RNF24: variants seen among roughly 807,000 people sequenced by gnomAD.
RNF24 encodes the protein ring finger protein 24.
RNF24 carries 14 observed loss-of-function variants against 20.0 expected under a neutral mutation model. That is an observed-to-expected ratio of 0.70 (90% confidence interval 0.46 to 1.10). The LOEUF (loss-of-function observed/expected upper bound fraction) is 1.10. Ranked by LOEUF, RNF24 falls within the 50% of genes least tolerant of loss-of-function variation. The probability of loss-of-function intolerance (pLI) is 0.00; values close to 1 mark genes in which losing one functional copy is unlikely to be tolerated. For missense variants in RNF24, 124 were observed against 177.6 expected, an observed-to-expected ratio of 0.70 and a Z score of 1.71; for synonymous variants, 45 against 61.1, an observed-to-expected ratio of 0.74 and a Z score of 1.23.
intron 2 of RNF24, among the ~76,000 whole-genome samples, chr20:3,954,758 G>C (rs1438609860): frequency 2.0e-5 from 3 of 152,044 alleles, no homozygotes; most frequent in African/African-American, 4.8e-5. Context: ...AATTAGCTGG[G>C]TGTGGTGGCA....
At chr20:3,946,875 C>T (rs1050342810) in intron 3 of RNF24, among the ~76,000 whole-genome samples, 1 of 152,032 alleles carries the variant, frequency 6.6e-6, no homozygotes, top group African/African-American at 2.4e-5. Context: ...TTCAAACATA[C>T]ATGGACGAAA....
At chr20:3,987,323 C>T (rs75405945) in intron 1 of RNF24, among the ~76,000 whole-genome samples, 6,310 of 152,194 alleles carry the variant, frequency 0.041, 459 homozygotes, top group African/African-American at 0.14. Flanking sequence ...ATGAGCGGTT[C>T]CCATCTCAAC....
At chr20:3,952,612 C>T (rs2091094264) in intron 2 of RNF24, among the ~76,000 whole-genome samples, 2 of 144,134 alleles carry the variant, frequency 1.4e-5, no homozygotes, top group East Asian at 2.0e-4. Flanking sequence ...ACTAGCTAGG[C>T]CCTCCAGTAT....
At chr20:3,953,252 C>T (rs890573293) in intron 2 of RNF24, among the ~76,000 whole-genome samples, 57 of 151,690 alleles carry the variant, frequency 3.8e-4, no homozygotes, top group Non-Finnish European at 5.7e-4. Context: ...CCTGGGTTCA[C>T]GCCATTCTCC....
At chr20:3,935,717 G>A (rs565191958) in intron 4 of RNF24, among the ~76,000 whole-genome samples, 5 of 152,342 alleles carry the variant, frequency 3.3e-5, no homozygotes, top group East Asian at 1.9e-4. Context: ...CTTTGCCATC[G>A]TACCCAGGGG....
intron 2 of RNF24, among the ~76,000 whole-genome samples, chr20:3,957,841 G>C (rs1600654601): frequency 6.6e-6 from 1 of 152,154 alleles, no homozygotes; most frequent in African/African-American, 2.4e-5. Context: ...TAACAATGCT[G>C]AACAGTGCTA....
At position 3,961,841 on chromosome 20, in the gene RNF24, T is replaced by C. The variant is rs151074928; in HGVS notation, c.143+2034A>G. On this transcript the variant is annotated intron_variant, in intron 2 of 5. Coordinates refer to ENST00000358395, the MANE Select transcript of RNF24 (RefSeq NM_001134337.3). ...ACTAGTAAGTCTGAAAAAAAAACCA[T>C]ATTTTTATATTCTGAGGTCCTATAT... is the stretch of plus-strand genomic sequence containing the variant. Among the ~76,000 whole-genome samples, 223 of 152,238 alleles carry C rather than the reference T, an allele frequency of 1.5e-3. 1 individual carries two copies. The highest frequency in any genetic ancestry group is 5.2e-3 in the African/African-American group (216 of 41,558).
intron 4 of RNF24, among the ~76,000 whole-genome samples, chr20:3,944,623 T>C (rs2090995813): frequency 6.6e-6 from 1 of 152,222 alleles, no homozygotes; most frequent in African/African-American, 2.4e-5. Context: ...TTATAGGCTA[T>C]GTATCTTAAT....
intron 1 of RNF24, among the ~76,000 whole-genome samples, chr20:3,972,734 C>G (rs1978465531): frequency 6.6e-6 from 1 of 151,922 alleles, no homozygotes; most frequent in Non-Finnish European, 1.5e-5. Context: ...AACCCCATCT[C>G]TACTAAAAAT....
intron 1 of RNF24, among the ~76,000 whole-genome samples, chr20:3,995,246 G>A (rs2147054247): frequency 6.6e-6 from 1 of 152,166 alleles, no homozygotes; most frequent in East Asian, 1.9e-4. Context: ...TTCCCATCAG[G>A]TCTCTTTTTG....
chr20:3,991,718 TC>T (rs1368964440), intron 1 of RNF24, among the ~76,000 whole-genome samples: 1 of 152,128 alleles, frequency 6.6e-6, no homozygotes, highest in African/African-American at 2.4e-5. Context: ...TTCACAAATA[TC>T]CTATAGCTAT....
rs1450042447 is a variant in RNF24 at position 3,932,705 on chromosome 20, G to A, written c.*1358C>T. On this transcript the variant is annotated 3_prime_UTR_variant, in exon 6 of 6. Transcript: ENST00000358395. ...GATGGAGTGGAGCAAAGCAGTTGACGAGGAATTGAGGCAGGCGCTCCTAAG... is the reference window on the plus strand; with the variant it reads ...GATGGAGTGGAGCAAAGCAGTTGACAAGGAATTGAGGCAGGCGCTCCTAAG... 3 of 389,652 alleles carry A rather than the reference G, an allele frequency of 7.7e-6. No homozygotes were observed. Among genetic ancestry groups the A allele is most frequent in the East Asian group, 3.6e-5 (1 of 27,436 alleles). 24.1% of individuals were successfully genotyped at this position (389,652 alleles called of 1,614,324 possible).
At chr20:3,953,839 C>A (rs904605998) in intron 2 of RNF24, among the ~76,000 whole-genome samples, 4 of 151,806 alleles carry the variant, frequency 2.6e-5, no homozygotes, top group Non-Finnish European at 4.4e-5. Flanking sequence ...TCACTGCAAC[C>A]TCCACCTCCC....
intron 1 of RNF24, among the ~76,000 whole-genome samples, chr20:3,982,103 G>GTCTC (rs34868373): frequency 0.025 from 3,430 of 137,072 alleles, 115 homozygotes; most frequent in African/African-American, 0.068. Context: ...GTGAGACCTC[G>GTCTC]TCTCTCTCTC....
chr20:3,982,062 C>T (rs972230298), intron 1 of RNF24, among the ~76,000 whole-genome samples: 1 of 150,854 alleles, frequency 6.6e-6, no homozygotes, highest in Non-Finnish European at 1.5e-5. Flanking sequence ...GAGCGCTAAT[C>T]GCACCACTGC....
chr20:3,957,716 GTTAAT>G (rs1457271386), intron 2 of RNF24, among the ~76,000 whole-genome samples: 1 of 151,916 alleles, frequency 6.6e-6, no homozygotes, highest in East Asian at 1.9e-4. Context: ...ATTCTATGAA[GTTAAT>G]TTGATTCCTC....
intron 1 of RNF24, chr20:3,974,488 C>A: frequency 8.1e-7 from 1 of 1,230,794 alleles, no homozygotes; most frequent in Non-Finnish European, 1.1e-6. Flanking sequence ...GCCACATCAA[C>A]ATCTACAACA....
Position 3,930,847 on chromosome 20 carries a change from C to T in RNF24, c.*3216G>A, listed in dbSNP as rs1046060778. On this transcript the variant is annotated 3_prime_UTR_variant, in exon 6 of 6. Coordinates refer to ENST00000358395, the MANE Select transcript of RNF24 (RefSeq NM_001134337.3). Reference sequence around the variant, plus strand: ...ATCTTCTTGTCAAGAACAGGGTATCCGGCAATGGTGGGAGGTCCCCTGTAT... The same window carrying T: ...ATCTTCTTGTCAAGAACAGGGTATCTGGCAATGGTGGGAGGTCCCCTGTAT... The T allele has an allele frequency of 5.3e-5, 8 of 152,204 alleles. No homozygotes were observed. The highest frequency in any genetic ancestry group is 2.1e-4 in the South Asian group (1 of 4,832). 9.4% of individuals were successfully genotyped at this position (152,204 alleles called of 1,614,324 possible).
At chr20:3,941,848 C>T (rs1434902677) in intron 4 of RNF24, among the ~76,000 whole-genome samples, 2 of 152,016 alleles carry the variant, frequency 1.3e-5, no homozygotes, top group Non-Finnish European at 2.9e-5. Context: ...CCGAGGGGGG[C>T]AGATCACCTG....
Sources: allele counts gnomAD v4.1 joint callset (sites outside exome capture counted in the v4.1 genomes callset), GRCh38; gene constraint gnomAD v4.1.1; transcripts MANE v1.5; gene names NCBI Gene and HGNC (gene_info 2026-07-23, HGNC 2026-07-21).